The following CD200R1L variants were observed in gnomAD, a reference collection of about 807,000 sequenced individuals.
The protein encoded by CD200R1L is CD200 receptor 1 like.
In CD200R1L, 14 loss-of-function variants were observed where a neutral mutation model predicts 24.8. The observed-to-expected ratio is 0.56, with a 90% CI of 0.37 to 0.88. The LOEUF (loss-of-function observed/expected upper bound fraction) is 0.88, where lower values mean the gene tolerates loss of function less well. Ranked by LOEUF, CD200R1L falls within the 40% of genes least tolerant of loss-of-function variation. The pLI is 0.00. For missense variants in CD200R1L, 299 were observed against 297.8 expected (o/e 1.00, Z -0.03); for synonymous variants, 111 against 109.2 (o/e 1.02, Z -0.11).
At chr3:112,841,390 C>T (rs1293195989) in intron 2 of CD200R1L, 3 of 357,486 alleles carry the variant, frequency 8.4e-6, no homozygotes, top group South Asian at 2.2e-5. Context: ...TATAAATTAC[C>T]CATTCTTGGG....
intron 3 of CD200R1L, among the ~76,000 whole-genome samples, chr3:112,831,598 G>T (rs866873377): frequency 3.3e-5 from 5 of 152,168 alleles, no homozygotes; most frequent in African/African-American, 9.7e-5. Flanking sequence ...AGCCCCTAAC[G>T]CAATACAATT....
chr3:112,818,031 C>T (rs143633389), intron 7 of CD200R1L, among the ~76,000 whole-genome samples: 4 of 152,248 alleles, frequency 2.6e-5, no homozygotes, highest in East Asian at 1.9e-4. Context: ...GAGAATAGCA[C>T]GGGAAAGACC....
chr3:112,822,862 A>G (rs1938569414), intron 6 of CD200R1L, among the ~76,000 whole-genome samples: 1 of 152,152 alleles, frequency 6.6e-6, no homozygotes, highest in South Asian at 2.1e-4. Context: ...CCTTGCCTAC[A>G]TTGTTTTGTA....
chr3:112,819,733 T>G, intron 7 of CD200R1L, 39 bp downstream of exon 7: 1 of 1,543,400 alleles, frequency 6.5e-7, no homozygotes, highest in Non-Finnish European at 8.7e-7. Flanking sequence ...ACTTTTTTTT[T>G]TCTACTGTGT....
chr3:112,842,714 C>A (rs915405841), intron 2 of CD200R1L, among the ~76,000 whole-genome samples: 1 of 152,140 alleles, frequency 6.6e-6, no homozygotes, highest in African/African-American at 2.4e-5. Context: ...GGGGGAAGGT[C>A]TATAAACGGC....
chr3:112,840,092 A>G (rs1367304562), intron 2 of CD200R1L, among the ~76,000 whole-genome samples: 1 of 152,252 alleles, frequency 6.6e-6, no homozygotes, highest in Non-Finnish European at 1.5e-5. Context: ...GAATAATGAA[A>G]AAGACAAAGC....
Position 112,819,869 on chromosome 3 carries a change from A to G in CD200R1L, c.643T>C (p.Leu215=), listed in dbSNP as rs1194086985. 1.2e-6 allele frequency: 2 copies of G among 1,607,130 alleles called. No individual in the cohort carries two copies. Among genetic ancestry groups the G allele is most frequent in the Non-Finnish European group, 1.7e-6 (2 of 1,178,066 alleles). Residue 215 remains leucine, a synonymous_variant, in exon 7 of 8, where the codon TTG becomes CTG. Coordinates refer to ENST00000488794, the MANE Select transcript of CD200R1L (RefSeq NM_001199215.3). ...ACATAAAGAATGATCAGTAAGGACA[A>G]CGCTGGAGATCCTGAGGTTCTGAGA... The part of the protein sequence containing the change: ...SGLRTSGSPA[L]SLLIILYVKL...
rs1486357290 is a variant in CD200R1L at position 112,845,661 on chromosome 3, T to C, written c.-87+18A>G. 6.3e-7 allele frequency: 1 copy of C among 1,598,544 alleles called. No individual in the cohort carries two copies. The highest frequency in any genetic ancestry group is 8.6e-7 in the Non-Finnish European group (1 of 1,167,358). ...AAAGCTTTATTTTCAGCTGAAAATG[T>C]CACAGTATCAGACTTACCAGACACC... On this transcript the variant is annotated intron_variant, in intron 2 of 7. Coordinates refer to ENST00000488794, the MANE Select transcript of CD200R1L (RefSeq NM_001199215.3).
At chr3:112,833,973 A>G (rs1278335550) in intron 3 of CD200R1L, among the ~76,000 whole-genome samples, 1 of 152,260 alleles carries the variant, frequency 6.6e-6, no homozygotes, top group Non-Finnish European at 1.5e-5. Flanking sequence ...TTGTTTGGTC[A>G]GAGACCTGGA....
chr3:112,815,764 G>A lies in CD200R1L; in HGVS notation c.*199C>T. ...ACACAAAAGAAGTCAATGAATAGGT[G>A]GTTGAGGGTTTATAGGGAAACTTCA... On this transcript the variant is annotated 3_prime_UTR_variant, in exon 8 of 8. Coordinates refer to ENST00000488794, the MANE Select transcript of CD200R1L (RefSeq NM_001199215.3). The A allele has an allele frequency of 1.8e-6, 1 of 554,052 alleles. No homozygotes were observed. Among genetic ancestry groups the A allele is most frequent in the Non-Finnish European group, 3.3e-6 (1 of 305,692 alleles). 34.3% of individuals were successfully genotyped at this position (554,052 alleles called of 1,614,324 possible).
chr3:112,833,217 A>T (rs1938854607), intron 3 of CD200R1L, among the ~76,000 whole-genome samples: 1 of 152,242 alleles, frequency 6.6e-6, no homozygotes, highest in Non-Finnish European at 1.5e-5. Flanking sequence ...ATAGGATGCT[A>T]GTCCAAGTGT....
intron 2 of CD200R1L, chr3:112,841,186 C>T: frequency 1.1e-5 from 4 of 373,184 alleles, no homozygotes; most frequent in South Asian, 8.1e-5. Flanking sequence ...CCCCCTAGTG[C>T]TGTCTCATGA....
At chr3:112,829,869 G>A (rs1576091850) in intron 3 of CD200R1L, among the ~76,000 whole-genome samples, 1 of 152,166 alleles carries the variant, frequency 6.6e-6, no homozygotes, top group East Asian at 1.9e-4. Context: ...CCAGGAAGTA[G>A]CTCTATAGAC....
intron 3 of CD200R1L, among the ~76,000 whole-genome samples, chr3:112,834,784 C>A (rs1432609141): frequency 6.6e-6 from 1 of 152,246 alleles, no homozygotes; most frequent in Non-Finnish European, 1.5e-5. Flanking sequence ...GATCCAACCA[C>A]TGCACACAGC....
intron 7 of CD200R1L, among the ~76,000 whole-genome samples, chr3:112,818,194 A>G (rs1347697363): frequency 6.6e-6 from 1 of 152,190 alleles, no homozygotes; most frequent in Non-Finnish European, 1.5e-5. Context: ...TAAATAAAAA[A>G]TCACTTTTTA....
At chr3:112,837,765 T>A (rs979563264) in intron 3 of CD200R1L, among the ~76,000 whole-genome samples, 177 bp downstream of exon 3, 2 of 146,572 alleles carry the variant, frequency 1.4e-5, no homozygotes, top group Non-Finnish European at 2.9e-5. Flanking sequence ...GAAATCTACA[T>A]GTTTGCTTTT....
chr3:112,845,845 G>C lies in CD200R1L; in HGVS notation c.-253C>G, dbSNP rs1477081204. ...CTTTTGCTTATTCTGTCTTCAACAG[G>C]ATTGCAAAACATATTTCTTCATTAT... On this transcript the variant is annotated 5_prime_UTR_variant, in exon 2 of 8. In the 5' UTR this introduces an upstream ATG that the reference lacks. Coordinates refer to ENST00000488794, the MANE Select transcript of CD200R1L (RefSeq NM_001199215.3). 2.7e-6 allele frequency: 2 copies of C among 729,994 alleles called. No individual in the cohort carries two copies. Among genetic ancestry groups the C allele is most frequent in the Non-Finnish European group, 4.7e-6 (2 of 425,820 alleles). The allele number at this position is 729,994 out of a possible 1,614,324, so 45.2% of individuals were successfully genotyped here.
intron 2 of CD200R1L, among the ~76,000 whole-genome samples, chr3:112,842,323 A>G (rs1417072198): frequency 6.6e-6 from 1 of 152,248 alleles, no homozygotes; most frequent in African/African-American, 2.4e-5. Context: ...GACATTTATC[A>G]GTTCCCAAAT....
chr3:112,821,380 T>C (rs1180100526), intron 6 of CD200R1L, among the ~76,000 whole-genome samples: 1 of 152,248 alleles, frequency 6.6e-6, no homozygotes, highest in African/African-American at 2.4e-5. Context: ...AAAATTAAGC[T>C]GAAAGCTGAG....
Sources: gnomAD v4.1 joint callset for allele counts (sites outside exome capture counted in the v4.1 genomes callset) on GRCh38, gnomAD v4.1.1 for gene constraint, MANE v1.5 for transcripts, NCBI Gene and HGNC (gene_info 2026-07-23, HGNC 2026-07-21) for gene names.